CACNB2: variants seen among roughly 807,000 people sequenced by gnomAD.
CACNB2 encodes the protein voltage-dependent L-type calcium channel subunit beta-2.
A neutral mutation model predicts 73.3 loss-of-function variants in CACNB2; 42 were observed. The observed-to-expected ratio is 0.57, with a 90% CI of 0.45 to 0.74. The LOEUF is 0.74. CACNB2 is among the 30% of genes least tolerant of loss of function. The probability of loss-of-function intolerance (pLI) is 0.00; values close to 1 mark genes in which losing one functional copy is unlikely to be tolerated. For missense variants in CACNB2, 940 were observed against 853.0 expected, an observed-to-expected ratio of 1.10 and a Z score of -1.27; for synonymous variants, 348 against 310.3, an observed-to-expected ratio of 1.12 and a Z score of -1.28.
At chr10:18,447,924 A>C (rs1278848690) in intron 3 of CACNB2, among the ~76,000 whole-genome samples, 1 of 152,198 alleles carries the variant, frequency 6.6e-6, no homozygotes, top group African/African-American at 2.4e-5. Context: ...GGGCATGGGC[A>C]AAATGAACAG....
intron 2 of CACNB2, among the ~76,000 whole-genome samples, chr10:18,288,706 G>C (rs1315019): frequency 0.48 from 67,081 of 138,718 alleles, 15,516 homozygotes; most frequent in South Asian, 0.58. Flanking sequence ...CACACACACA[G>C]AGATACCCAG....
chr10:18,483,668 T>C (rs1190030110), intron 3 of CACNB2, among the ~76,000 whole-genome samples: 1 of 152,178 alleles, frequency 6.6e-6, no homozygotes, highest in East Asian at 1.9e-4. Flanking sequence ...GCTGTTGCAG[T>C]GGAGAAGAAA....
At chr10:18,247,816 C>T (rs192177725) in intron 2 of CACNB2, among the ~76,000 whole-genome samples, 2 of 152,276 alleles carry the variant, frequency 1.3e-5, no homozygotes, top group Non-Finnish European at 2.9e-5. Flanking sequence ...GTGAGGACCA[C>T]CTTTTCTGGG....
chr10:18,472,539 C>T (rs1438569582), intron 3 of CACNB2, among the ~76,000 whole-genome samples: 1 of 151,928 alleles, frequency 6.6e-6, no homozygotes, highest in African/African-American at 2.4e-5. Flanking sequence ...GCCTGGCCCC[C>T]AGCCCATTTT....
chr10:18,506,625 C>A (rs941248141), intron 6 of CACNB2, 78 bp downstream of exon 6: 9 of 890,380 alleles, frequency 1.0e-5, no homozygotes, highest in South Asian at 6.7e-5. Context: ...TGTGAATTTA[C>A]GTATACACTG....
At chr10:18,197,349 G>A (rs2034671910) in intron 2 of CACNB2, among the ~76,000 whole-genome samples, 1 of 152,158 alleles carries the variant, frequency 6.6e-6, no homozygotes, top group Non-Finnish European at 1.5e-5. Flanking sequence ...CAGCTAGAAT[G>A]TTTTTGCCTG....
intron 4 of CACNB2, 134 bp from the exon 5 acceptor site, chr10:18,500,678 G>A (rs1434695001): frequency 2.2e-6 from 2 of 899,142 alleles, no homozygotes; most frequent in African/African-American, 3.3e-5. Flanking sequence ...ATGAGCCGAA[G>A]GGTTTCTTGA....
chr10:18,363,410 G>A (rs149485776), intron 2 of CACNB2, among the ~76,000 whole-genome samples: 23 of 152,198 alleles, frequency 1.5e-4, no homozygotes, highest in African/African-American at 5.3e-4. Flanking sequence ...AAATCCTGTC[G>A]CCCCATGGGG....
chr10:18,391,856 A>G (rs2043484569), intron 2 of CACNB2, among the ~76,000 whole-genome samples: 1 of 148,204 alleles, frequency 6.7e-6, no homozygotes, highest in African/African-American at 2.5e-5. Context: ...TGAGCTCAGG[A>G]GACAGAGGTT....
At chr10:18,166,759 G>A (rs184652869) in intron 2 of CACNB2, among the ~76,000 whole-genome samples, 9 of 152,192 alleles carry the variant, frequency 5.9e-5, no homozygotes, top group African/African-American at 1.7e-4. Context: ...TAGGGGGAGC[G>A]GGGAGGGATA....
chr10:18,488,752 G>A (rs970762152), intron 3 of CACNB2, among the ~76,000 whole-genome samples: 4 of 151,658 alleles, frequency 2.6e-5, no homozygotes, highest in Admixed American at 2.6e-4. Context: ...ACATGTAAAT[G>A]TTGTGGAACT....
intron 3 of CACNB2, among the ~76,000 whole-genome samples, chr10:18,490,855 G>A (rs182582421): frequency 7.7e-6 from 1 of 130,642 alleles, no homozygotes; most frequent in East Asian, 2.2e-4. Context: ...GGTGGGGGAG[G>A]GGGGAGGGTG....
chr10:18,495,226 T>G (rs1007929565), intron 3 of CACNB2, among the ~76,000 whole-genome samples: 1 of 151,890 alleles, frequency 6.6e-6, no homozygotes, highest in African/African-American at 2.4e-5. Flanking sequence ...GAGTCTTTTT[T>G]TTTTTTTTTA....
At chr10:18,520,742 T>C (rs1260490240) in intron 9 of CACNB2, among the ~76,000 whole-genome samples, 2 of 152,334 alleles carry the variant, frequency 1.3e-5, no homozygotes, top group African/African-American at 4.8e-5. Context: ...GTTCTTTGAG[T>C]GTTCCAGACA....
At chr10:18,505,811 G>A (rs1242842144) in intron 5 of CACNB2, among the ~76,000 whole-genome samples, 1 of 152,108 alleles carries the variant, frequency 6.6e-6, no homozygotes. Flanking sequence ...TTCAAATTTG[G>A]TAGTTCGGAA....
chr10:18,459,945 C>T (rs1027645088), intron 3 of CACNB2, among the ~76,000 whole-genome samples: 1 of 152,128 alleles, frequency 6.6e-6, no homozygotes, highest in African/African-American at 2.4e-5. Context: ...TTGCAGTGAG[C>T]CGAGATCGCA....
chr10:18,308,986 A>G (rs946608597), intron 2 of CACNB2, among the ~76,000 whole-genome samples: 2 of 152,196 alleles, frequency 1.3e-5, no homozygotes, highest in African/African-American at 4.8e-5. Flanking sequence ...TTTGGAAGCA[A>G]TGCACAATTG....
At chr10:18,439,011 ATAACTTCTCTAC>A (rs1284605309) in intron 3 of CACNB2, among the ~76,000 whole-genome samples, 2 of 152,224 alleles carry the variant, frequency 1.3e-5, no homozygotes, top group African/African-American at 4.8e-5. Context: ...CGGGGAGAAA[ATAACTTCTCTAC>A]CCTCTTCGGT....
chr10:18,237,315 G>C (rs933050537), intron 2 of CACNB2, among the ~76,000 whole-genome samples: 3 of 152,150 alleles, frequency 2.0e-5, no homozygotes, highest in African/African-American at 7.2e-5. Flanking sequence ...CTCAATTAGG[G>C]TTGCCTCAAA....
Sources: gnomAD v4.1 joint callset for allele counts (sites outside exome capture counted in the v4.1 genomes callset) on GRCh38, gnomAD v4.1.1 for gene constraint, MANE v1.5 for transcripts, NCBI Gene and HGNC (gene_info 2026-07-23, HGNC 2026-07-21) for gene names.